The following CSMD1 variants were observed in gnomAD, a reference collection of about 807,000 sequenced individuals.
CSMD1 encodes the protein CUB and sushi domain-containing protein 1.
A neutral mutation model predicts 417.5 loss-of-function variants in CSMD1; 213 were observed. That is an observed-to-expected ratio of 0.51 (90% CI 0.46 to 0.57). The LOEUF is 0.57. CSMD1 is among the 20% of genes least tolerant of loss of function. CSMD1 has a pLI of 0.00. For synonymous variants in CSMD1, 2,862 were observed against 1,736.8 expected (o/e 1.65, Z -16.11); for missense variants, 6,923 against 4,529.7 (o/e 1.53, Z -15.17).
At chr8:3,741,140 G>T (rs1457526641) in intron 6 of CSMD1, among the ~76,000 whole-genome samples, 1 of 151,342 alleles carries the variant, frequency 6.6e-6, no homozygotes, top group African/African-American at 2.4e-5. Context: ...CTTGAAGCTG[G>T]GAGGTGGAGG....
chr8:4,958,120 T>C (rs879401387), intron 1 of CSMD1, among the ~76,000 whole-genome samples: 9 of 151,888 alleles, frequency 5.9e-5, no homozygotes, highest in Non-Finnish European at 1.0e-4. Context: ...TTCTATGAGG[T>C]CTTTCCTGTC....
At chr8:4,765,484 G>T (rs573372788) in intron 1 of CSMD1, among the ~76,000 whole-genome samples, 2 of 152,202 alleles carry the variant, frequency 1.3e-5, no homozygotes, top group Non-Finnish European at 2.9e-5. Flanking sequence ...AGTGTTTGCA[G>T]ATGCCTATTT....
At chr8:3,619,217 G>C (rs543222655) in intron 7 of CSMD1, among the ~76,000 whole-genome samples, 3 of 152,172 alleles carry the variant, frequency 2.0e-5, no homozygotes, top group Admixed American at 6.5e-5. Flanking sequence ...ACAGCAAAAT[G>C]TACACACAAA....
At chr8:3,524,098 CAG>C (rs551563994) in intron 10 of CSMD1, among the ~76,000 whole-genome samples, 40 of 151,014 alleles carry the variant, frequency 2.6e-4, no homozygotes, top group South Asian at 6.3e-4. Context: ...CATGCACACC[CAG>C]AGAGACATAT....
intron 3 of CSMD1, among the ~76,000 whole-genome samples, chr8:4,302,329 T>C (rs1346648590): frequency 1.3e-5 from 2 of 150,610 alleles, no homozygotes; most frequent in Non-Finnish European, 2.9e-5. Flanking sequence ...ACTGTAAAAA[T>C]AATAACAATA....
At chr8:3,546,418 C>A (rs1798666723) in intron 10 of CSMD1, among the ~76,000 whole-genome samples, 1 of 151,962 alleles carries the variant, frequency 6.6e-6, no homozygotes. Flanking sequence ...TTCCTGTAGT[C>A]CCAGCTACTT....
intron 5 of CSMD1, among the ~76,000 whole-genome samples, chr8:3,871,704 G>C (rs1373770735): frequency 6.6e-6 from 1 of 152,062 alleles, no homozygotes. Context: ...AGGTAAATGT[G>C]TCTCAAAAAA....
intron 1 of CSMD1, among the ~76,000 whole-genome samples, chr8:4,927,806 C>G (rs1427152851): frequency 6.6e-6 from 1 of 152,162 alleles, no homozygotes; most frequent in Non-Finnish European, 1.5e-5. Context: ...TGGCTCCTCT[C>G]CTTCTCACAC....
chr8:3,263,721 C>T (rs545994251), intron 26 of CSMD1, among the ~76,000 whole-genome samples: 1 of 151,870 alleles, frequency 6.6e-6, no homozygotes, highest in Non-Finnish European at 1.5e-5. Flanking sequence ...ATCACTTATC[C>T]CAATTAAGTT....
intron 2 of CSMD1, among the ~76,000 whole-genome samples, chr8:4,495,487 A>T (rs1257392524): frequency 1.3e-5 from 2 of 152,058 alleles, no homozygotes; most frequent in East Asian, 3.9e-4. Context: ...AAGTAGGAGA[A>T]TTGCTTGAAC....
chr8:3,434,435 C>T (rs1258099922), intron 12 of CSMD1, among the ~76,000 whole-genome samples: 2 of 152,136 alleles, frequency 1.3e-5, no homozygotes, highest in East Asian at 3.9e-4. Context: ...TTGCTTATTC[C>T]ATACAAGCCT....
At chr8:3,482,119 A>G (rs551331750) in intron 11 of CSMD1, among the ~76,000 whole-genome samples, 1 of 152,230 alleles carries the variant, frequency 6.6e-6, no homozygotes, top group Non-Finnish European at 1.5e-5. Context: ...GAAAAGCAGT[A>G]AAAGGGGAAT....
At chr8:4,394,349 G>A (rs913637867) in intron 3 of CSMD1, among the ~76,000 whole-genome samples, 10 of 152,112 alleles carry the variant, frequency 6.6e-5, no homozygotes, top group African/African-American at 2.4e-4. Flanking sequence ...ATTCTCTTGG[G>A]TTCTAAATGT....
At chr8:3,634,839 A>G (rs1338387789) in intron 7 of CSMD1, among the ~76,000 whole-genome samples, 1 of 152,102 alleles carries the variant, frequency 6.6e-6, no homozygotes, top group East Asian at 1.9e-4. Context: ...ACGTTTTGCA[A>G]ACATCACACA....
chr8:3,149,249 T>C (rs1254907581), intron 40 of CSMD1, among the ~76,000 whole-genome samples: 8 of 152,208 alleles, frequency 5.3e-5, no homozygotes, highest in Admixed American at 2.6e-4. Flanking sequence ...TCAGAAATGA[T>C]AAAATAGTAA....
At chr8:4,461,451 A>C (rs956287600) in intron 2 of CSMD1, among the ~76,000 whole-genome samples, 1 of 151,620 alleles carries the variant, frequency 6.6e-6, no homozygotes, top group Admixed American at 6.6e-5. Flanking sequence ...AGTATACAGA[A>C]CATCTTAGAT....
chr8:3,150,460 T>C (rs1371051314), intron 40 of CSMD1, among the ~76,000 whole-genome samples: 1 of 152,186 alleles, frequency 6.6e-6, no homozygotes, highest in Non-Finnish European at 1.5e-5. Flanking sequence ...GCTGAGCAAG[T>C]CCACCCTGAC....
intron 1 of CSMD1, among the ~76,000 whole-genome samples, chr8:4,885,710 A>T (rs1466588881): frequency 6.6e-6 from 1 of 151,428 alleles, no homozygotes; most frequent in Non-Finnish European, 1.5e-5. Flanking sequence ...TATAATAAAG[A>T]TATACTTATG....
intron 3 of CSMD1, among the ~76,000 whole-genome samples, chr8:4,383,020 T>G (rs117407373): frequency 1.3e-5 from 2 of 152,288 alleles, no homozygotes; most frequent in Non-Finnish European, 2.9e-5. Flanking sequence ...TCAGTAAGAA[T>G]TGGTGGAATA....
Sources: gnomAD v4.1 joint callset for allele counts (sites outside exome capture counted in the v4.1 genomes callset) on GRCh38, gnomAD v4.1.1 for gene constraint, MANE v1.5 for transcripts, NCBI Gene and HGNC (gene_info 2026-07-23, HGNC 2026-07-21) for gene names.